Variants in OLA1 observed in about 807,000 individuals in gnomAD.
OLA1 encodes the protein Obg like ATPase 1.
OLA1 carries 14 observed loss-of-function variants against 48.4 expected under a neutral mutation model. The ratio of observed to expected loss-of-function variants is 0.29; its 90% CI spans 0.19 to 0.45. The LOEUF is 0.45. Among genes scored for constraint, OLA1 ranks in the 20% least tolerant of loss-of-function variants. OLA1 has a pLI of 1.00. For missense variants in OLA1, 325 were observed against 467.1 expected (o/e 0.70, Z 2.80); for synonymous variants, 127 against 150.4 (o/e 0.84, Z 1.14).
At chr2:174,223,728 T>TCACC (rs926046267) in intron 3 of OLA1, among the ~76,000 whole-genome samples, 1 of 145,794 alleles carries the variant, frequency 6.9e-6, no homozygotes, top group African/African-American at 2.6e-5. Flanking sequence ...ACACAGGCTG[T>TCACC]CTGGGTTTGC....
intron 7 of OLA1, among the ~76,000 whole-genome samples, chr2:174,101,255 T>G (rs1343015725): frequency 2.0e-5 from 3 of 152,228 alleles, no homozygotes; most frequent in Admixed American, 6.5e-5. Flanking sequence ...AATCTGCCTT[T>G]CCATGATCGC....
At chr2:174,235,849 A>G (rs576833884) in intron 2 of OLA1, among the ~76,000 whole-genome samples, 1 of 152,316 alleles carries the variant, frequency 6.6e-6, no homozygotes, top group South Asian at 2.1e-4. Flanking sequence ...CAAACAGAGT[A>G]GGATGAACAG....
chr2:174,225,592 T>C (rs1688599495), intron 3 of OLA1, among the ~76,000 whole-genome samples: 1 of 152,126 alleles, frequency 6.6e-6, no homozygotes, highest in Non-Finnish European at 1.5e-5. Flanking sequence ...GCCAAACAGA[T>C]GCTGGTGCTG....
intron 4 of OLA1, among the ~76,000 whole-genome samples, chr2:174,157,595 ATG>A (rs2105393743): frequency 6.6e-6 from 1 of 152,342 alleles, no homozygotes; most frequent in East Asian, 1.9e-4. Context: ...TGCTTGGAAA[ATG>A]TAAACATGGG....
intron 7 of OLA1, among the ~76,000 whole-genome samples, chr2:174,111,529 T>C (rs1004260536): frequency 6.6e-6 from 1 of 152,188 alleles, no homozygotes; most frequent in South Asian, 2.1e-4. Context: ...AAGTGCAGCA[T>C]ATAATAGATG....
intron 4 of OLA1, among the ~76,000 whole-genome samples, chr2:174,187,172 A>T (rs1050172464): frequency 8.5e-5 from 13 of 152,224 alleles, no homozygotes; most frequent in African/African-American, 3.1e-4. Context: ...TGTGGTAATA[A>T]AGCATCTGCT....
intron 4 of OLA1, among the ~76,000 whole-genome samples, chr2:174,170,044 T>C (rs2105404759): frequency 6.6e-6 from 1 of 152,208 alleles, no homozygotes; most frequent in East Asian, 1.9e-4. Flanking sequence ...AACTGTAAAC[T>C]AACACGGTGA....
In OLA1 at chr2:174,177,472, T is replaced by G. The variant is rs77737520; in HGVS notation, c.374-35472A>C. Among the ~76,000 whole-genome samples, 693 of 152,270 alleles carry G rather than the reference T, an allele frequency of 4.6e-3. 7 individuals are homozygous for G. Among genetic ancestry groups the G allele is most frequent in the African/African-American group, 0.016 (668 of 41,578 alleles). ...CTTATTTTAACTGCATGAAAGTCTT[T>G]CAACAGGCAATGAAAACATACCATG... On this transcript the variant is annotated intron_variant, in intron 4 of 10. Coordinates refer to ENST00000284719, the MANE Select transcript of OLA1 (RefSeq NM_013341.5).
At chr2:174,199,995 A>G (rs1687957041) in intron 4 of OLA1, among the ~76,000 whole-genome samples, 1 of 152,132 alleles carries the variant, frequency 6.6e-6, no homozygotes, top group Admixed American at 6.5e-5. Context: ...CATTAAAGAA[A>G]TTTATTTAAA....
intron 2 of OLA1, among the ~76,000 whole-genome samples, chr2:174,232,134 T>G (rs1407559565): frequency 6.6e-6 from 1 of 152,166 alleles, no homozygotes; most frequent in Admixed American, 6.5e-5. Context: ...CTAGACTAAA[T>G]GTATGCCCCC....
At chr2:174,087,898 A>G (rs1424823838) in intron 7 of OLA1, among the ~76,000 whole-genome samples, 1 of 152,194 alleles carries the variant, frequency 6.6e-6, no homozygotes, top group Non-Finnish European at 1.5e-5. Flanking sequence ...ATACATTAGG[A>G]CATTCTCAAA....
rs140720709 is a variant in OLA1, at chr2:174,123,246, G to A, written c.662C>T (p.Thr221Ile). ...IEVLNKHLFL[T>I]SKPMVYLVNL... ...AACCAAGTAGACCATTGGTTTTGAAGTCAAAAATAAGTGTTTATTCAACAC... is the reference window on the plus strand; with the variant it reads ...AACCAAGTAGACCATTGGTTTTGAAATCAAAAATAAGTGTTTATTCAACAC... The change falls in exon 7 of 11, where the codon ACT becomes ATT. Residue 221 changes from threonine (T) to isoleucine (I), a missense_variant. Physicochemically the swap from Thr to Ile is moderately conservative, Grantham distance 89 (BLOSUM62 -1). Coordinates refer to ENST00000284719, the MANE Select transcript of OLA1 (RefSeq NM_013341.5). The A allele has an allele frequency of 6.4e-7, 1 of 1,563,652 alleles. No individual in the cohort carries two copies. Among genetic ancestry groups the A allele is most frequent in the African/African-American group, 1.4e-5 (1 of 73,180 alleles).
At chr2:174,094,656 T>C (rs1186648873) in intron 7 of OLA1, among the ~76,000 whole-genome samples, 1 of 152,166 alleles carries the variant, frequency 6.6e-6, no homozygotes, top group Admixed American at 6.5e-5. Flanking sequence ...TTTTAAAAAA[T>C]TGGGGTAAAG....
intron 7 of OLA1, among the ~76,000 whole-genome samples, chr2:174,096,976 C>A (rs1470103126): frequency 6.6e-6 from 1 of 151,886 alleles, no homozygotes; most frequent in African/African-American, 2.4e-5. Flanking sequence ...GCCAACATGG[C>A]GAAACCCCGT....
At chr2:174,138,338 G>A (rs1193821393) in intron 5 of OLA1, among the ~76,000 whole-genome samples, 1 of 152,162 alleles carries the variant, frequency 6.6e-6, no homozygotes, top group African/African-American at 2.4e-5. Flanking sequence ...ACCCGGGAGA[G>A]GGAGAAAGAT....
chr2:174,144,951 A>AAAAAAAAAAAAAT (rs1181030817), intron 4 of OLA1, among the ~76,000 whole-genome samples: 9 of 40,294 alleles, frequency 2.2e-4, no homozygotes, highest in Admixed American at 4.5e-4. Flanking sequence ...AAAAAAAAAA[A>AAAAAAAAAAAAAT]ATATATATAT....
chr2:174,219,044 T>C (rs1310362525), intron 4 of OLA1, among the ~76,000 whole-genome samples: 1 of 147,386 alleles, frequency 6.8e-6, no homozygotes, highest in Non-Finnish European at 1.5e-5. Context: ...CGGGCCAATC[T>C]TGAACTCCTA....
chr2:174,129,612 T>C lies in OLA1; in HGVS notation c.550-5937A>G, dbSNP rs79772607. Among the ~76,000 whole-genome samples, 1,043 of 151,962 alleles carry C rather than the reference T, an allele frequency of 6.9e-3. 12 individuals carry two copies. Among genetic ancestry groups the C allele is most frequent in the African/African-American group, 0.024 (976 of 41,498 alleles). On this transcript the variant is annotated intron_variant, in intron 5 of 10. Transcript: ENST00000284719. ...GAAACTGGTTAGATAACACACTAAATAATTAGCAATAGAAATCTCTAGAAG... is the reference window on the plus strand; with the variant it reads ...GAAACTGGTTAGATAACACACTAAACAATTAGCAATAGAAATCTCTAGAAG...
intron 7 of OLA1, among the ~76,000 whole-genome samples, chr2:174,094,409 T>C (rs1469047048): frequency 6.6e-6 from 1 of 152,100 alleles, no homozygotes; most frequent in Admixed American, 6.6e-5. Flanking sequence ...CCGGATTTTT[T>C]CCCCCAGAAA....
Sources: gnomAD v4.1 joint callset for allele counts (sites outside exome capture counted in the v4.1 genomes callset) on GRCh38, gnomAD v4.1.1 for gene constraint, MANE v1.5 for transcripts, NCBI Gene and HGNC (gene_info 2026-07-23, HGNC 2026-07-21) for gene names.